GALC: variants seen among roughly 807,000 people sequenced by gnomAD.
GALC encodes galactosylceramidase, also known as galactocerebrosidase.
In GALC, 77 loss-of-function variants were observed where a neutral mutation model predicts 91.8. The ratio of observed to expected loss-of-function variants is 0.84; its 90% CI spans 0.70 to 1.01. The LOEUF is 1.01. Ranked by LOEUF, GALC falls within the 50% of genes least tolerant of loss-of-function variation. The pLI is 0.00. For synonymous variants in GALC, 357 were observed against 306.7 expected, an observed-to-expected ratio of 1.16 and a Z score of -1.71; for missense variants, 882 against 855.9, an observed-to-expected ratio of 1.03 and a Z score of -0.38.
At position 87,992,699 on chromosome 14, in the gene GALC, G is replaced by A. The variant is rs1431552708; in HGVS notation, c.195+271C>T. The A allele has an allele frequency of 7.0e-6, 10 of 1,432,608 alleles. No homozygotes were observed. The African/African-American group carries it at 1.4e-4, about 21-fold the overall frequency. The allele number at this position is 1,432,608 out of a possible 1,614,324, so 88.7% of individuals were successfully genotyped here. On this transcript the variant is annotated intron_variant, in intron 1 of 16. Transcript: ENST00000261304. ...CCCGGCTACTTCACTACTTAGACCT[G>A]TCACTTTACTCTCTGCACCTATACT...
chr14:87,980,995 T>C (rs955013579), intron 6 of GALC, among the ~76,000 whole-genome samples: 7 of 152,210 alleles, frequency 4.6e-5, no homozygotes, highest in African/African-American at 1.4e-4. Context: ...TGACTTCTTT[T>C]CCTCTGGGTA....
At chr14:87,955,687 C>T (rs967869680) in intron 10 of GALC, among the ~76,000 whole-genome samples, 1 of 152,026 alleles carries the variant, frequency 6.6e-6, no homozygotes, top group Admixed American at 6.6e-5. Flanking sequence ...GCGTGTCTTT[C>T]TATAAAAAGC....
At chr14:87,949,963 G>C (rs1180777056) in intron 11 of GALC, 32 bp from the exon 12 acceptor site, 1 of 1,074,648 alleles carries the variant, frequency 9.3e-7, no homozygotes, top group Non-Finnish European at 1.5e-6. Context: ...GCATGGCTGA[G>C]TAATTCATCA....
intron 14 of GALC, among the ~76,000 whole-genome samples, chr14:87,942,132 C>T (rs1449787591): frequency 1.3e-5 from 2 of 151,978 alleles, no homozygotes; most frequent in Non-Finnish European, 2.9e-5. Flanking sequence ...CACACCTGAA[C>T]AGCACTGAAA....
chr14:87,938,021 A>G (rs936849019), intron 16 of GALC, among the ~76,000 whole-genome samples: 1 of 152,030 alleles, frequency 6.6e-6, no homozygotes, highest in African/African-American at 2.4e-5. Flanking sequence ...GTTTTTTAAA[A>G]GTCAAATCGA....
At chr14:87,992,170 T>A (rs1311046536) in intron 1 of GALC, 2 of 921,738 alleles carry the variant, frequency 2.2e-6, no homozygotes, top group Non-Finnish European at 3.4e-6. Context: ...TCAAGCTTGT[T>A]CTGAGTTGAA....
At chr14:87,944,317 T>C (rs1371717281) in intron 14 of GALC, among the ~76,000 whole-genome samples, 1 of 151,910 alleles carries the variant, frequency 6.6e-6, no homozygotes, top group Non-Finnish European at 1.5e-5. Flanking sequence ...CTCTATGGTA[T>C]TCAAGTGCAT....
At chr14:87,987,875 T>C (rs1369331632) in intron 3 of GALC, 15 of 450,862 alleles carry the variant, frequency 3.3e-5, no homozygotes, top group Non-Finnish European at 5.6e-5. Flanking sequence ...CCTGTATATA[T>C]AGGTTTTAGA....
Position 87,934,648 on chromosome 14 carries a change from T to C in GALC, c.*84A>G. The C allele has an allele frequency of 6.2e-7, 1 of 1,607,076 alleles. No homozygotes were observed. Among genetic ancestry groups the C allele is most frequent in the African/African-American group, 1.3e-5 (1 of 74,842 alleles). ...TAGTCTCAAAAGCCTCATATACTGT[T>C]CCAATGAAACAAGAATTGGCTCTGA... is the stretch of plus-strand genomic sequence containing the variant. On this transcript the variant is annotated 3_prime_UTR_variant, in exon 17 of 17. Transcript: ENST00000261304.
chr14:87,949,961 G>T, intron 11 of GALC, 30 bp from the exon 12 acceptor site: 2 of 1,113,812 alleles, frequency 1.8e-6, no homozygotes, highest in South Asian at 2.5e-5. Context: ...AAGCATGGCT[G>T]AGTAATTCAT....
chr14:87,969,723 T>G (rs981808731), intron 7 of GALC, among the ~76,000 whole-genome samples: 7 of 152,200 alleles, frequency 4.6e-5, no homozygotes, highest in Non-Finnish European at 1.0e-4. Context: ...GTTTTACTTT[T>G]TAGTTATTTA....
intron 7 of GALC, 28 bp from the exon 8 acceptor site, chr14:87,968,518 G>GA (rs370224210): frequency 1.9e-6 from 3 of 1,611,302 alleles, no homozygotes; most frequent in Admixed American, 1.7e-5. Flanking sequence ...GGAAGTCAAT[G>GA]AAAAAAGGTC....
In GALC at chr14:87,974,398, C is replaced by T. The variant is rs190529576; in HGVS notation, c.752+1960G>A. On this transcript the variant is annotated intron_variant, in intron 7 of 16. Transcript: ENST00000261304. Reference sequence around the variant, plus strand: ...GAAATAAATCATAATGAAGATAAAACATTCATCAGTATTTACATACCAAAT... The same window carrying T: ...GAAATAAATCATAATGAAGATAAAATATTCATCAGTATTTACATACCAAAT... Among the ~76,000 whole-genome samples the T allele has an allele frequency of 2.6e-5, 4 of 152,224 alleles. No individual in the cohort carries two copies. In the East Asian group the frequency reaches 7.7e-4, roughly 29 times the overall value.
chr14:87,976,318 A>C (rs759832936), intron 7 of GALC, 40 bp downstream of exon 7: 1 of 1,610,500 alleles, frequency 6.2e-7, no homozygotes, highest in South Asian at 1.1e-5. Flanking sequence ...CAGAGCAAGC[A>C]ATCAGAAACT....
intron 6 of GALC, chr14:87,980,444 C>G (rs1595231387): frequency 2.1e-6 from 2 of 939,874 alleles, no homozygotes; most frequent in South Asian, 9.9e-5. Context: ...TCAGTGCCCC[C>G]ACTCTTCCTC....
intron 6 of GALC, 67 bp from the exon 7 acceptor site, chr14:87,976,555 C>T (rs757866371): frequency 4.4e-5 from 55 of 1,247,138 alleles, no homozygotes; most frequent in Non-Finnish European, 5.7e-5. Flanking sequence ...AATTTATGAC[C>T]AAGATAGATA....
At chr14:87,982,271 G>C (rs1475426784) in intron 5 of GALC, 28 bp from the exon 6 acceptor site, 2 of 1,496,722 alleles carry the variant, frequency 1.3e-6, no homozygotes, top group Admixed American at 3.4e-5. Context: ...AAAAAAGTCT[G>C]AATTGAAAGT....
chr14:87,974,602 C>T (rs1428812586), intron 7 of GALC, among the ~76,000 whole-genome samples: 2 of 149,302 alleles, frequency 1.3e-5, no homozygotes, highest in African/African-American at 2.4e-5. Flanking sequence ...AATACCTGAA[C>T]AATATAACCA....
chr14:87,940,755 G>A (rs1201521895), intron 15 of GALC, among the ~76,000 whole-genome samples: 4 of 151,872 alleles, frequency 2.6e-5, no homozygotes, highest in African/African-American at 9.7e-5. Flanking sequence ...AAGGTAAGAC[G>A]AAAGTCAAGA....
Sources: allele counts gnomAD v4.1 joint callset (sites outside exome capture counted in the v4.1 genomes callset), GRCh38; gene constraint gnomAD v4.1.1; transcripts MANE v1.5; gene names NCBI Gene and HGNC (gene_info 2026-07-23, HGNC 2026-07-21).